MAGI1: variants seen among roughly 807,000 people sequenced by gnomAD.
MAGI1 encodes membrane-associated guanylate kinase, WW and PDZ domain-containing protein 1.
Under a neutral mutation model 139.9 loss-of-function variants are expected in MAGI1, and 58 were observed. The ratio of observed to expected loss-of-function variants is 0.41; its 90% CI spans 0.34 to 0.52. The LOEUF (loss-of-function observed/expected upper bound fraction) is 0.52, where lower values mean the gene tolerates loss of function less well. Among genes scored for constraint, MAGI1 ranks in the 20% least tolerant of loss-of-function variants. The probability of loss-of-function intolerance (pLI) is 0.12; values close to 1 mark genes in which losing one functional copy is unlikely to be tolerated. For synonymous variants in MAGI1, 812 were observed against 737.9 expected (o/e 1.10, Z -1.63); for missense variants, 1,874 against 1,901.6 (o/e 0.99, Z 0.27).
At chr3:66,024,632 C>A (rs1356679827) in intron 1 of MAGI1, among the ~76,000 whole-genome samples, 1 of 152,228 alleles carries the variant, frequency 6.6e-6, no homozygotes, top group South Asian at 2.1e-4. Flanking sequence ...CATGGTGAAA[C>A]CCTGTCTCTA....
rs564600954 is a variant in MAGI1, at chr3:65,740,022, A to G, written c.314-117934T>C. On this transcript the variant is annotated intron_variant, in intron 1 of 22. Transcript: ENST00000402939. ...GTAAAAAAAAAAATGCAGTATCTGC[A>G]AAGTGCAATAGAGGGACACAATCAA... Among the ~76,000 whole-genome samples, 5 of 152,362 alleles carry G rather than the reference A, an allele frequency of 3.3e-5. No individual in the cohort carries two copies. The South Asian group carries it at 1.0e-3, about 32-fold the overall frequency.
intron 2 of MAGI1, among the ~76,000 whole-genome samples, chr3:65,608,956 A>T (rs1168696420): frequency 6.6e-6 from 1 of 152,254 alleles, no homozygotes; most frequent in East Asian, 1.9e-4. Context: ...GATGAATCTC[A>T]GAGAGTAATG....
chr3:65,387,655 A>ATATC (rs545698493), intron 14 of MAGI1, among the ~76,000 whole-genome samples: 40 of 152,222 alleles, frequency 2.6e-4, no homozygotes, highest in Non-Finnish European at 5.4e-4. Flanking sequence ...TCTTGTACTA[A>ATATC]TATCTGTTCA....
rs56170206 is a variant in MAGI1, at chr3:65,848,678, C to T, written c.313+189318G>A. On this transcript the variant is annotated intron_variant, in intron 1 of 22. Coordinates refer to ENST00000402939, the MANE Select transcript of MAGI1 (RefSeq NM_001033057.2). ...AAGAGATGAAAAACCTATAGCTTAGCAGTTAAACACCTGGGTCCTAGACCC... is the reference window on the plus strand; with the variant it reads ...AAGAGATGAAAAACCTATAGCTTAGTAGTTAAACACCTGGGTCCTAGACCC... 6.5e-3 allele frequency among the ~76,000 whole-genome samples: 994 copies of T among 151,990 alleles called. 17 individuals are homozygous for T. The highest frequency in any genetic ancestry group is 0.023 in the African/African-American group (947 of 41,414).
chr3:65,465,087 C>T (rs182743758), intron 5 of MAGI1, among the ~76,000 whole-genome samples: 1 of 150,206 alleles, frequency 6.7e-6, no homozygotes, highest in East Asian at 1.9e-4. Context: ...ACCTTATCTC[C>T]ATTGATATTC....
intron 1 of MAGI1, among the ~76,000 whole-genome samples, chr3:65,763,180 C>T (rs758627639): frequency 1.3e-5 from 2 of 152,182 alleles, no homozygotes; most frequent in Non-Finnish European, 2.9e-5. Flanking sequence ...GGATGGGAAG[C>T]TGAGACCAAG....
intron 2 of MAGI1, among the ~76,000 whole-genome samples, chr3:65,543,355 G>A (rs1410615921): frequency 6.6e-6 from 1 of 152,156 alleles, no homozygotes; most frequent in Non-Finnish European, 1.5e-5. Context: ...ATTCCTCAAA[G>A]ATCTAGAGCC....
At chr3:65,430,199 A>G in intron 11 of MAGI1, 59 bp from the exon 12 acceptor site, 2 of 1,543,364 alleles carry the variant, frequency 1.3e-6, no homozygotes, top group South Asian at 2.3e-5. Context: ...TGTCATCAGT[A>G]TTATAATATC....
chr3:65,754,609 G>A (rs371304393), intron 1 of MAGI1, among the ~76,000 whole-genome samples: 6 of 152,142 alleles, frequency 3.9e-5, no homozygotes, highest in South Asian at 2.1e-4. Context: ...AAATAGTTTC[G>A]TGTACACTGG....
At chr3:66,005,747 G>C (rs2066981613) in intron 1 of MAGI1, among the ~76,000 whole-genome samples, 1 of 152,138 alleles carries the variant, frequency 6.6e-6, no homozygotes, top group South Asian at 2.1e-4. Context: ...CCATGCCAGG[G>C]AGAGATTTGG....
chr3:65,619,804 T>C, intron 2 of MAGI1: 1 of 966,830 alleles, frequency 1.0e-6, no homozygotes, highest in Non-Finnish European at 1.2e-6. Context: ...AGACCTCTTC[T>C]GAATTTCCTT....
chr3:65,705,171 G>GA (rs956822933), intron 1 of MAGI1, among the ~76,000 whole-genome samples: 23 of 151,338 alleles, frequency 1.5e-4, no homozygotes, highest in South Asian at 6.3e-4. Flanking sequence ...CCTATTTGAA[G>GA]AAAAAAAAAT....
intron 2 of MAGI1, among the ~76,000 whole-genome samples, chr3:65,586,806 C>A (rs559795775): frequency 6.6e-6 from 1 of 151,508 alleles, no homozygotes; most frequent in Non-Finnish European, 1.5e-5. Flanking sequence ...AGTTGGCAAG[C>A]AGAACAGTTC....
intron 2 of MAGI1, among the ~76,000 whole-genome samples, chr3:65,493,870 C>T (rs982197103): frequency 1.3e-5 from 2 of 152,156 alleles, no homozygotes; most frequent in Non-Finnish European, 1.5e-5. Flanking sequence ...AACCAAGCAC[C>T]GCTGGGTAAC....
chr3:65,370,081 A>T (rs1941838879), intron 18 of MAGI1, among the ~76,000 whole-genome samples: 1 of 152,052 alleles, frequency 6.6e-6, no homozygotes, highest in Non-Finnish European at 1.5e-5. Context: ...GGTTTGCAAA[A>T]TCCTCCTGGA....
intron 1 of MAGI1, among the ~76,000 whole-genome samples, chr3:65,761,259 A>C (rs1339943118): frequency 6.6e-6 from 1 of 152,070 alleles, no homozygotes; most frequent in African/African-American, 2.4e-5. Context: ...ATCCATACAC[A>C]TTTGCCACCT....
intron 22 of MAGI1, among the ~76,000 whole-genome samples, chr3:65,357,430 A>C (rs544605316): frequency 1.3e-5 from 2 of 152,170 alleles, no homozygotes; most frequent in South Asian, 4.2e-4. Flanking sequence ...GCACAATCCA[A>C]ATAGTCTGTC....
intron 2 of MAGI1, among the ~76,000 whole-genome samples, chr3:65,511,639 A>G (rs1295724264): frequency 1.1e-4 from 16 of 141,422 alleles, no homozygotes; most frequent in African/African-American, 3.7e-4. Context: ...ATACAGGAGC[A>G]CCCAGATTCA....
chr3:65,838,479 C>A (rs2058701888), intron 1 of MAGI1, among the ~76,000 whole-genome samples: 1 of 152,210 alleles, frequency 6.6e-6, no homozygotes, highest in Non-Finnish European at 1.5e-5. Context: ...TAAATAGAAT[C>A]ATACAATATA....
Sources: allele counts gnomAD v4.1 joint callset (sites outside exome capture counted in the v4.1 genomes callset), GRCh38; gene constraint gnomAD v4.1.1; transcripts MANE v1.5; gene names NCBI Gene and HGNC (gene_info 2026-07-23, HGNC 2026-07-21).